Variants in ROBO1 observed in about 807,000 individuals in gnomAD.
The protein encoded by ROBO1 is roundabout homolog 1.
In ROBO1, 149 loss-of-function variants were observed where a neutral mutation model predicts 195.9. The ratio of observed to expected loss-of-function variants is 0.76; its 90% CI spans 0.67 to 0.87. The LOEUF is 0.87. ROBO1 is among the 40% of genes least tolerant of loss of function. The probability of loss-of-function intolerance (pLI) is 0.00; values close to 1 mark genes in which losing one functional copy is unlikely to be tolerated. For synonymous variants in ROBO1, 816 were observed against 733.2 expected (o/e 1.11, Z -1.82); for missense variants, 1,933 against 2,068.3 (o/e 0.93, Z 1.27).
Position 78,600,232 on chromosome 3 carries a change from A to T in ROBO1, c.4822T>A (p.Ser1608Thr), listed in dbSNP as rs1441463453. 6.2e-7 allele frequency: 1 copy of T among 1,613,604 alleles called. No homozygotes were observed. The highest frequency in any genetic ancestry group is 8.5e-7 in the Non-Finnish European group (1 of 1,179,612). ...TGTCTGCTTCCTGATCCTCTTGATG[A>T]CATTGAGCTTGAGGAACTGGGATCT... ...PRDPSSSSSM[S>T]SRGSGSRQRE... is the part of the protein sequence containing the mutation. The change falls in exon 30 of 31, where the codon TCA becomes ACA. Residue 1608 changes from serine (S) to threonine (T), a missense_variant. Transcript: ENST00000464233.
At chr3:78,831,327 C>T (rs1310890114) in intron 4 of ROBO1, among the ~76,000 whole-genome samples, 1 of 151,892 alleles carries the variant, frequency 6.6e-6, no homozygotes, top group Admixed American at 6.6e-5. Context: ...AGTTGACCTG[C>T]CTAAAAAATG....
intron 1 of ROBO1, among the ~76,000 whole-genome samples, chr3:79,672,948 C>T (rs372383925): frequency 2.0e-5 from 3 of 151,912 alleles, no homozygotes; most frequent in African/African-American, 4.8e-5. Flanking sequence ...CATCAAATAA[C>T]TGATCTTTTG....
At chr3:78,803,919 G>A (rs1033884443) in intron 4 of ROBO1, among the ~76,000 whole-genome samples, 3 of 152,078 alleles carry the variant, frequency 2.0e-5, no homozygotes, top group African/African-American at 4.8e-5. Context: ...ATTTGAAATT[G>A]TACAAAGTGA....
At chr3:79,697,099 T>C (rs959483493) in intron 1 of ROBO1, among the ~76,000 whole-genome samples, 1 of 151,372 alleles carries the variant, frequency 6.6e-6, no homozygotes, top group East Asian at 1.9e-4. Context: ...CCTAACATGG[T>C]CCATATGGGT....
At chr3:79,013,509 G>A (rs2077840225) in intron 3 of ROBO1, among the ~76,000 whole-genome samples, 2 of 152,128 alleles carry the variant, frequency 1.3e-5, no homozygotes, top group Admixed American at 6.5e-5. Flanking sequence ...ATTCTCAAGT[G>A]TTCAAACCAC....
chr3:78,835,750 T>C (rs1294408354), intron 4 of ROBO1, among the ~76,000 whole-genome samples: 3 of 152,188 alleles, frequency 2.0e-5, no homozygotes, highest in African/African-American at 7.2e-5. Flanking sequence ...CATCTCAATG[T>C]AGTAAGACCG....
chr3:79,603,688 T>A (rs1318516733), intron 1 of ROBO1, among the ~76,000 whole-genome samples: 1 of 152,004 alleles, frequency 6.6e-6, no homozygotes, highest in Non-Finnish European at 1.5e-5. Flanking sequence ...AGTAAATACA[T>A]CATTTGTTTT....
intron 8 of ROBO1, among the ~76,000 whole-genome samples, chr3:78,690,591 A>G (rs1022531578): frequency 1.2e-4 from 19 of 152,214 alleles, no homozygotes; most frequent in African/African-American, 4.6e-4. Context: ...ATACAGGAGC[A>G]TTCTATTCCT....
At chr3:78,711,351 CTT>C (rs753602999) in intron 8 of ROBO1, among the ~76,000 whole-genome samples, 15 of 42,094 alleles carry the variant, frequency 3.6e-4, no homozygotes, top group African/African-American at 1.7e-3. Context: ...TTCCTTCCTC[CTT>C]CCTTCCTTCC....
chr3:79,157,015 A>T lies in ROBO1; in HGVS notation c.89-31476T>A, dbSNP rs2080870837. Among the ~76,000 whole-genome samples the T allele has an allele frequency of 3.9e-5, 6 of 151,938 alleles. No homozygotes were observed. The South Asian group carries it at 1.2e-3, about 32-fold the overall frequency. The stretch of plus-strand genomic sequence containing the variant: ...CTCATCGGGTGGGGAAGTGCAGCAA[A>T]CTGCACACAGAACTGTAAACATTCA... On this transcript the variant is annotated intron_variant, in intron 2 of 30. Coordinates refer to ENST00000464233, the MANE Select transcript of ROBO1 (RefSeq NM_002941.4).
At chr3:79,186,847 C>T (rs988748663) in intron 2 of ROBO1, among the ~76,000 whole-genome samples, 1 of 152,196 alleles carries the variant, frequency 6.6e-6, no homozygotes, top group Middle Eastern at 3.4e-3. Context: ...TTAGGAATAT[C>T]GCATAGGAAA....
chr3:79,555,424 C>T (rs534708928), intron 2 of ROBO1, among the ~76,000 whole-genome samples: 1 of 151,946 alleles, frequency 6.6e-6, no homozygotes, highest in African/African-American at 2.4e-5. Context: ...CAGTGTGATA[C>T]GTAGATCATG....
intron 3 of ROBO1, among the ~76,000 whole-genome samples, chr3:78,980,565 G>A (rs560919412): frequency 6.6e-6 from 1 of 152,248 alleles, no homozygotes; most frequent in South Asian, 2.1e-4. Flanking sequence ...GTTTCCACAT[G>A]TAAAATTGCT....
intron 1 of ROBO1, among the ~76,000 whole-genome samples, chr3:79,600,241 T>C (rs1411601713): frequency 6.6e-6 from 1 of 152,022 alleles, no homozygotes; most frequent in Non-Finnish European, 1.5e-5. Context: ...AAATGTAAGA[T>C]GGAAGTACAC....
chr3:79,321,838 A>G (rs1261564432), intron 2 of ROBO1, among the ~76,000 whole-genome samples: 1 of 152,204 alleles, frequency 6.6e-6, no homozygotes, highest in Non-Finnish European at 1.5e-5. Context: ...AACCAAGCAC[A>G]TAACTTGGGT....
At chr3:78,915,754 C>A (rs1284292865) in intron 4 of ROBO1, among the ~76,000 whole-genome samples, 6 of 152,120 alleles carry the variant, frequency 3.9e-5, no homozygotes, top group African/African-American at 1.2e-4. Context: ...CAGCTCCCTG[C>A]AGCTTAAATC....
chr3:79,192,810 C>A (rs919243407), intron 2 of ROBO1, among the ~76,000 whole-genome samples: 5 of 151,424 alleles, frequency 3.3e-5, no homozygotes, highest in African/African-American at 1.2e-4. Context: ...TGTTTTTAAC[C>A]AAGTTATCTA....
chr3:79,597,366 T>C (rs937310535), intron 1 of ROBO1, among the ~76,000 whole-genome samples: 5 of 151,972 alleles, frequency 3.3e-5, no homozygotes, highest in African/African-American at 1.2e-4. Context: ...ACTGGACAAA[T>C]TACTACCAAA....
chr3:78,737,106 G>T (rs1184563619), intron 5 of ROBO1, among the ~76,000 whole-genome samples: 1 of 152,118 alleles, frequency 6.6e-6, no homozygotes, highest in African/African-American at 2.4e-5. Context: ...GGTACACATA[G>T]AACTTGAATC....
Sources: allele counts gnomAD v4.1 joint callset (sites outside exome capture counted in the v4.1 genomes callset), GRCh38; gene constraint gnomAD v4.1.1; transcripts MANE v1.5; gene names NCBI Gene and HGNC (gene_info 2026-07-23, HGNC 2026-07-21).